The following VPS13B variants were observed in gnomAD, a reference collection of about 807,000 sequenced individuals.
VPS13B encodes intermembrane lipid transfer protein VPS13B.
VPS13B carries 285 observed loss-of-function variants against 426.4 expected under a neutral mutation model. The ratio of observed to expected loss-of-function variants is 0.67; its 90% CI spans 0.61 to 0.74. The LOEUF (loss-of-function observed/expected upper bound fraction) is 0.74. Among genes scored for constraint, VPS13B ranks in the 30% least tolerant of loss-of-function variants. VPS13B has a pLI of 0.00. For missense variants in VPS13B, 4,537 were observed against 4,782.6 expected (o/e 0.95, Z 1.51); for synonymous variants, 1,676 against 1,676.4 (o/e 1.00, Z 0.01).
intron 60 of VPS13B, 153 bp downstream of exon 60, chr8:99,871,040 G>C (rs892390721): frequency 5.1e-6 from 4 of 783,434 alleles, no homozygotes; most frequent in Non-Finnish European, 6.5e-6. Flanking sequence ...GCACTGTAGA[G>C]GGACAGGAAG....
chr8:99,550,105 G>A (rs547046058), intron 30 of VPS13B, among the ~76,000 whole-genome samples: 9 of 152,140 alleles, frequency 5.9e-5, no homozygotes, highest in South Asian at 2.1e-4. Context: ...CACAATACCT[G>A]ACATACAGTG....
chr8:99,478,951 C>T (rs544043666), intron 24 of VPS13B, among the ~76,000 whole-genome samples: 21 of 152,154 alleles, frequency 1.4e-4, no homozygotes, highest in South Asian at 1.0e-3. Context: ...ATTGTTCAAC[C>T]CAGATCACTA....
rs182859723 is a variant in VPS13B, at chr8:99,315,145, C to T, written c.2824+39891C>T. Among the ~76,000 whole-genome samples the T allele has an allele frequency of 4.6e-4, 70 of 152,164 alleles. 1 individual carries two copies. Among genetic ancestry groups the T allele is most frequent in the Admixed American group, 4.4e-3 (68 of 15,284 alleles). ...TTATTTTTTTGTTTTTTGATGGAAT[C>T]TCTGGCATCCTGAATCTGGATATCT... On this transcript the variant is annotated intron_variant, in intron 19 of 61. Transcript: ENST00000357162.
In VPS13B at chr8:99,391,450, C is replaced by T. The variant is rs1310917354; in HGVS notation, c.2935-107C>T. 1.5e-5 allele frequency: 23 copies of T among 1,559,008 alleles called. No homozygotes were observed. In the Admixed American group the frequency reaches 3.8e-4, roughly 26 times the overall value. On this transcript the variant is annotated intron_variant, in intron 20 of 61. Coordinates refer to ENST00000357162, the MANE Select transcript of VPS13B (RefSeq NM_152564.5). ...TGATTTACAATAATGAAGTCTCAGC[C>T]CCAACTTGTGAAGGACTGTCCTCAG...
At chr8:99,249,870 CT>C (rs1300621869) in intron 17 of VPS13B, among the ~76,000 whole-genome samples, 1 of 152,034 alleles carries the variant, frequency 6.6e-6, no homozygotes, top group African/African-American at 2.4e-5. Context: ...TACCTTCGCA[CT>C]GCGTTTTAGC....
intron 3 of VPS13B, among the ~76,000 whole-genome samples, chr8:99,049,967 A>T (rs1843438129): frequency 6.7e-6 from 1 of 148,288 alleles, no homozygotes; most frequent in Non-Finnish European, 1.5e-5. Flanking sequence ...TGTTGCTGAG[A>T]CTTTCTGGAG....
At chr8:99,034,785 T>C (rs759672042) in intron 2 of VPS13B, among the ~76,000 whole-genome samples, 1 of 152,218 alleles carries the variant, frequency 6.6e-6, no homozygotes. Context: ...TTGTCCTGTT[T>C]TGTCATTGCT....
At chr8:99,744,533 C>T (rs113317359) in intron 39 of VPS13B, among the ~76,000 whole-genome samples, 312 of 152,176 alleles carry the variant, frequency 2.1e-3, no homozygotes, top group African/African-American at 6.8e-3. Context: ...ATATTTATTG[C>T]GGCACTATTC....
intron 30 of VPS13B, among the ~76,000 whole-genome samples, chr8:99,529,395 C>A (rs1002528117): frequency 1.3e-5 from 2 of 152,130 alleles, no homozygotes; most frequent in Non-Finnish European, 2.9e-5. Flanking sequence ...TCATACTGAC[C>A]TGTTTTTGAG....
chr8:99,626,507 A>G (rs528112839), intron 33 of VPS13B, among the ~76,000 whole-genome samples: 1 of 152,284 alleles, frequency 6.6e-6, no homozygotes, highest in South Asian at 2.1e-4. Context: ...AGGGGTGATA[A>G]AATGTTCTAA....
intron 39 of VPS13B, among the ~76,000 whole-genome samples, chr8:99,740,086 A>G (rs1809619603): frequency 2.6e-5 from 4 of 152,102 alleles, no homozygotes; most frequent in Admixed American, 6.5e-5. Context: ...AAAAAATTAG[A>G]CGAATGGCTA....
At chr8:99,712,833 A>G (rs1346295805) in intron 36 of VPS13B, among the ~76,000 whole-genome samples, 1 of 151,954 alleles carries the variant, frequency 6.6e-6, no homozygotes, top group East Asian at 1.9e-4. Flanking sequence ...TAATAATTCA[A>G]GTCTGGAATT....
chr8:99,032,374 A>C (rs1358352588), intron 2 of VPS13B, among the ~76,000 whole-genome samples: 2 of 151,874 alleles, frequency 1.3e-5, no homozygotes, highest in Non-Finnish European at 2.9e-5. Context: ...TTGGATTTAC[A>C]TTTATCATTT....
intron 19 of VPS13B, among the ~76,000 whole-genome samples, chr8:99,291,974 A>G (rs1329040157): frequency 2.6e-5 from 4 of 152,164 alleles, no homozygotes; most frequent in Non-Finnish European, 4.4e-5. Flanking sequence ...AAGTATAATT[A>G]GGAATCATAT....
intron 17 of VPS13B, among the ~76,000 whole-genome samples, chr8:99,246,090 C>T (rs918933009): frequency 6.6e-6 from 1 of 152,212 alleles, no homozygotes. Flanking sequence ...TCCAAACTTG[C>T]CCAACATGGT....
At chr8:99,306,089 G>A (rs762208055) in intron 19 of VPS13B, among the ~76,000 whole-genome samples, 4 of 152,058 alleles carry the variant, frequency 2.6e-5, no homozygotes, top group Non-Finnish European at 4.4e-5. Context: ...AATGTGAAGT[G>A]GATTCTTTAA....
chr8:99,234,825 C>T (rs1281988500), intron 17 of VPS13B, among the ~76,000 whole-genome samples: 2 of 151,986 alleles, frequency 1.3e-5, no homozygotes, highest in African/African-American at 2.4e-5. Context: ...AAGTAATGCC[C>T]TATTTGGGAT....
intron 17 of VPS13B, among the ~76,000 whole-genome samples, chr8:99,271,224 CTA>C (rs1563639135): frequency 1.3e-5 from 2 of 150,668 alleles, no homozygotes; most frequent in South Asian, 2.1e-4. Context: ...ACTACTACTA[CTA>C]CTACTACTAC....
intron 6 of VPS13B, among the ~76,000 whole-genome samples, chr8:99,113,705 CA>C (rs1289530213): frequency 2.0e-5 from 3 of 152,096 alleles, no homozygotes; most frequent in Non-Finnish European, 4.4e-5. Flanking sequence ...GCTGGGATTA[CA>C]GGCGCCGGCC....
Sources: allele counts gnomAD v4.1 joint callset (sites outside exome capture counted in the v4.1 genomes callset), GRCh38; gene constraint gnomAD v4.1.1; transcripts MANE v1.5; gene names NCBI Gene and HGNC (gene_info 2026-07-23, HGNC 2026-07-21).